The following CNTN1 variants were observed in gnomAD, a reference collection of about 807,000 sequenced individuals.
CNTN1 encodes contactin-1.
CNTN1 carries 38 observed loss-of-function variants against 126.4 expected under a neutral mutation model. That is an observed-to-expected ratio of 0.30 (90% CI 0.23 to 0.39). The LOEUF is 0.39. Among genes scored for constraint, CNTN1 ranks in the 10% least tolerant of loss-of-function variants. The probability of loss-of-function intolerance (pLI) is 1.00; values close to 1 mark genes in which losing one functional copy is unlikely to be tolerated. For missense variants in CNTN1, 1,009 were observed against 1,248.4 expected, an observed-to-expected ratio of 0.81 and a Z score of 2.89; for synonymous variants, 413 against 422.6, an observed-to-expected ratio of 0.98 and a Z score of 0.28.
intron 1 of CNTN1, among the ~76,000 whole-genome samples, chr12:40,716,839 T>G (rs1057401235): frequency 6.6e-6 from 1 of 152,344 alleles, no homozygotes; most frequent in Non-Finnish European, 1.5e-5. Context: ...AAGGAACCCA[T>G]GTAGAAATCA....
At chr12:40,850,654 C>A (rs1480406786) in intron 1 of CNTN1, among the ~76,000 whole-genome samples, 1 of 151,820 alleles carries the variant, frequency 6.6e-6, no homozygotes, top group East Asian at 1.9e-4. Context: ...ATGAGCTAGT[C>A]TTTATAAGTT....
At chr12:40,994,492 A>G (rs1169423155) in intron 17 of CNTN1, among the ~76,000 whole-genome samples, 2 of 152,176 alleles carry the variant, frequency 1.3e-5, no homozygotes, top group Non-Finnish European at 2.9e-5. Context: ...ATAAAATTAC[A>G]TAGGTAAACC....
intron 1 of CNTN1, among the ~76,000 whole-genome samples, chr12:40,819,180 G>T (rs140984918): frequency 1.3e-5 from 2 of 152,312 alleles, no homozygotes; most frequent in African/African-American, 2.4e-5. Context: ...CAGGAAGCAG[G>T]ACCTGTTTAA....
At chr12:40,831,750 C>G (rs1177059111) in intron 1 of CNTN1, among the ~76,000 whole-genome samples, 1 of 152,048 alleles carries the variant, frequency 6.6e-6, no homozygotes. Flanking sequence ...AATAAGGAAG[C>G]ATTTATTGAG....
At chr12:40,912,413 A>T (rs1257343474) in intron 3 of CNTN1, among the ~76,000 whole-genome samples, 1 of 148,900 alleles carries the variant, frequency 6.7e-6, no homozygotes, top group South Asian at 2.1e-4. Flanking sequence ...AAAAAAAAAA[A>T]CCTGCAGCTA....
At chr12:40,908,913 A>G (rs1051107674) in intron 2 of CNTN1, among the ~76,000 whole-genome samples, 5 of 152,326 alleles carry the variant, frequency 3.3e-5, no homozygotes, top group African/African-American at 1.2e-4. Context: ...AAAATATAGT[A>G]AATAAAAGAG....
intron 1 of CNTN1, among the ~76,000 whole-genome samples, chr12:40,741,914 GT>G (rs5797679): frequency 0.61 from 92,306 of 151,644 alleles, 28,900 homozygotes; most frequent in East Asian, 0.84. Flanking sequence ...TTGCTATTAT[GT>G]TTTTTTATTT....
chr12:40,824,523 G>A (rs927483181), intron 1 of CNTN1, among the ~76,000 whole-genome samples: 1 of 152,150 alleles, frequency 6.6e-6, no homozygotes, highest in Admixed American at 6.5e-5. Context: ...ATTGAGGCAG[G>A]ATTTAAACTC....
chr12:40,806,691 C>A (rs192098756), intron 1 of CNTN1, among the ~76,000 whole-genome samples: 1 of 152,196 alleles, frequency 6.6e-6, no homozygotes, highest in Non-Finnish European at 1.5e-5. Flanking sequence ...GACATGGTAG[C>A]CCATATGGCC....
intron 23 of CNTN1, among the ~76,000 whole-genome samples, chr12:41,046,342 T>C (rs1036798401): frequency 6.6e-6 from 1 of 152,100 alleles, no homozygotes; most frequent in Admixed American, 6.6e-5. Flanking sequence ...TTAAAATATA[T>C]GAATTTAGGT....
Position 40,846,089 on chromosome 12 carries a change from G to A in CNTN1, c.-76-62268G>A, listed in dbSNP as rs138751702. ...AAAATTACTTCAGCAATAACACTGC[G>A]GAGGAAGTTAGAAAAACAGTAAACT... On this transcript the variant is annotated intron_variant, in intron 1 of 23. Coordinates refer to ENST00000551295, the MANE Select transcript of CNTN1 (RefSeq NM_001843.4). Among the ~76,000 whole-genome samples, 715 of 152,134 alleles carry A rather than the reference G, an allele frequency of 4.7e-3. 4 individuals are homozygous for A. The highest frequency in any genetic ancestry group is 4.2e-3 in the Non-Finnish European group (285 of 68,002).
intron 1 of CNTN1, among the ~76,000 whole-genome samples, chr12:40,714,745 C>T (rs926749527): frequency 6.6e-6 from 1 of 152,070 alleles, no homozygotes; most frequent in Admixed American, 6.6e-5. Context: ...TATTCTGCAG[C>T]TTCTGAAACT....
intron 23 of CNTN1, among the ~76,000 whole-genome samples, chr12:41,043,997 T>G (rs1204967002): frequency 1.2e-5 from 1 of 82,160 alleles, no homozygotes; most frequent in Non-Finnish European, 2.2e-5. Flanking sequence ...TGGGGACTGT[T>G]GTGGGGTGGG....
intron 1 of CNTN1, among the ~76,000 whole-genome samples, chr12:40,893,919 C>T (rs1944318776): frequency 6.6e-6 from 1 of 152,046 alleles, no homozygotes; most frequent in African/African-American, 2.4e-5. Context: ...ATAATACGTT[C>T]AAAACTAAAT....
At chr12:41,013,427 C>A (rs1313661503) in intron 17 of CNTN1, among the ~76,000 whole-genome samples, 1 of 152,076 alleles carries the variant, frequency 6.6e-6, no homozygotes, top group African/African-American at 2.4e-5. Context: ...AAAAGCAAAG[C>A]CTTACCAAGG....
chr12:40,911,935 A>T (rs17128930), intron 3 of CNTN1, among the ~76,000 whole-genome samples: 1 of 152,152 alleles, frequency 6.6e-6, no homozygotes, highest in African/African-American at 2.4e-5. Flanking sequence ...TTGTCATGAA[A>T]GTAAAGGGCA....
rs144050805 is a variant in CNTN1, at chr12:40,871,607, C to A, written c.-76-36750C>A. Among the ~76,000 whole-genome samples, 692 of 152,224 alleles carry A rather than the reference C, an allele frequency of 4.5e-3. 6 individuals are homozygous for A. Among genetic ancestry groups the A allele is most frequent in the African/African-American group, 0.012 (514 of 41,544 alleles). On this transcript the variant is annotated intron_variant, in intron 1 of 23. Transcript: ENST00000551295. ...TGATCAACTGAGCGAATGTTAGTTT[C>A]ATTCTCTGAAATGATCCCCAAAGAG...
Position 41,016,770 on chromosome 12 carries a change from C to T in CNTN1, c.2273C>T (p.Thr758Ile), listed in dbSNP as rs1228043057. 6.2e-7 allele frequency: 1 copy of T among 1,614,080 alleles called. No homozygotes were observed. The highest frequency in any genetic ancestry group is 8.5e-7 in the Non-Finnish European group (1 of 1,179,978). Residue 758 changes from threonine (T) to isoleucine (I), a missense_variant, in exon 19 of 24, where the codon ACA becomes ATA. Thr to Ile is a moderately conservative substitution (Grantham distance 89). Transcript: ENST00000551295. ...GATGGAGAAGAATGGAAAAAAGTCACAGTTACTAATCCTGATACTGGCCGA... is the reference window on the plus strand; with the variant it reads ...GATGGAGAAGAATGGAAAAAAGTCATAGTTACTAATCCTGATACTGGCCGA... ...PFDGEEWKKV[T>I]VTNPDTGRYV...
chr12:40,948,182 T>G (rs1345474629), intron 14 of CNTN1, among the ~76,000 whole-genome samples: 2 of 151,640 alleles, frequency 1.3e-5, no homozygotes, highest in East Asian at 1.9e-4. Context: ...AAGTGGTTAT[T>G]AATACTTTTT....
Sources: allele counts gnomAD v4.1 joint callset (sites outside exome capture counted in the v4.1 genomes callset), GRCh38; gene constraint gnomAD v4.1.1; transcripts MANE v1.5; gene names NCBI Gene and HGNC (gene_info 2026-07-23, HGNC 2026-07-21).